The following FGL1 variants were observed in gnomAD, a reference collection of about 807,000 sequenced individuals.
FGL1 encodes fibrinogen-like protein 1.
In FGL1, 59 loss-of-function variants were observed where a neutral mutation model predicts 43.7. The observed-to-expected ratio is 1.35, with a 90% CI of 1.10 to 1.68. The LOEUF (loss-of-function observed/expected upper bound fraction) is 1.68. Ranked by LOEUF, FGL1 falls within the 40% of genes most tolerant of loss-of-function variation. The probability of loss-of-function intolerance (pLI) is 0.00; values close to 1 mark genes in which losing one functional copy is unlikely to be tolerated. For missense variants in FGL1, 596 were observed against 373.0 expected, an observed-to-expected ratio of 1.60 and a Z score of -4.92; for synonymous variants, 192 against 126.5, an observed-to-expected ratio of 1.52 and a Z score of -3.48.
At chr8:17,869,643 A>T (rs1360921085) in intron 5 of FGL1, among the ~76,000 whole-genome samples, 4 of 152,200 alleles carry the variant, frequency 2.6e-5, no homozygotes, top group African/African-American at 9.7e-5. Flanking sequence ...TGTAGAGTGG[A>T]TGTCATTGGA....
chr8:17,870,167 T>C (rs935328834), intron 5 of FGL1, among the ~76,000 whole-genome samples: 4 of 152,152 alleles, frequency 2.6e-5, no homozygotes, highest in African/African-American at 9.7e-5. Context: ...TATTATCTTT[T>C]ATATATGCTA....
intron 2 of FGL1, among the ~76,000 whole-genome samples, chr8:17,883,085 A>T (rs2053567902): frequency 1.6e-5 from 1 of 62,794 alleles, no homozygotes; most frequent in Admixed American, 2.5e-4. Context: ...TATATAATAT[A>T]TATCATATGT....
intron 1 of FGL1, among the ~76,000 whole-genome samples, chr8:17,892,899 G>A (rs1430571477): frequency 6.6e-6 from 1 of 152,076 alleles, no homozygotes; most frequent in Non-Finnish European, 1.5e-5. Flanking sequence ...GAATAAATTA[G>A]CTTAAAAAGT....
Position 17,885,496 on chromosome 8 carries a change from AT to A in FGL1, c.58del (p.Ile20PhefsTer103). On this transcript the variant is annotated frameshift_variant, in exon 2 of 8. Transcript: ENST00000427924. LOFTEE classifies it high-confidence loss of function. ...TAGTTTTCCCAAGAAGCTTACCGAA[AT>A]TTCCCTGCCCATTGTCAGAGCGGTG... ...VTTALTMGRE[I>X]SALEDCAQEQ... is the part of the protein sequence containing the mutation. 1 of 1,611,424 alleles carries A rather than the reference AT, an allele frequency of 6.2e-7. No individual in the cohort carries two copies. Among genetic ancestry groups the A allele is most frequent in the Non-Finnish European group, 8.5e-7 (1 of 1,178,312 alleles).
At chr8:17,882,433 G>A (rs1045071479) in intron 2 of FGL1, 1 of 326,996 alleles carries the variant, frequency 3.1e-6, no homozygotes, top group African/African-American at 2.1e-5. Context: ...TATGCTAGGA[G>A]CTTTATAGTT....
intron 7 of FGL1, among the ~76,000 whole-genome samples, chr8:17,866,849 C>T (rs574014287): frequency 2.6e-5 from 4 of 152,246 alleles, no homozygotes; most frequent in Admixed American, 6.5e-5. Flanking sequence ...ATGAATTACA[C>T]GTTAAGTTTT....
At chr8:17,867,600 A>G (rs1247470524) in intron 7 of FGL1, among the ~76,000 whole-genome samples, 1 of 152,250 alleles carries the variant, frequency 6.6e-6, no homozygotes. Flanking sequence ...AAATCAAATA[A>G]GCATGATTCG....
intron 4 of FGL1, 67 bp from the exon 5 acceptor site, chr8:17,874,183 CA>C: frequency 7.2e-7 from 1 of 1,385,088 alleles, no homozygotes; most frequent in Non-Finnish European, 1.0e-6. Flanking sequence ...GACCACCACC[CA>C]CCCCCTGCTA....
At chr8:17,865,449 C>A (rs1233593962) in intron 7 of FGL1, among the ~76,000 whole-genome samples, 1 of 152,152 alleles carries the variant, frequency 6.6e-6, no homozygotes, top group Non-Finnish European at 1.5e-5. Flanking sequence ...AAATTGCTAG[C>A]CTATCAGTTA....
In FGL1 at chr8:17,875,507, C is replaced by CTTTCT. The variant is rs1554564367; in HGVS notation, c.245-991_245-987dup. On this transcript the variant is annotated intron_variant, in intron 3 of 7. Transcript: ENST00000427924. ...TCTTTCTTTCTTTCTTTCTTTCTTT[C>CTTTCT]TTTCTTTCTTTCTTTCTTTCTTTCT... Among the ~76,000 whole-genome samples the CTTTCT allele has an allele frequency of 3.2e-3, 27 of 8,330 alleles. 1 individual carries two copies. Among genetic ancestry groups the CTTTCT allele is most frequent in the African/African-American group, 0.013 (27 of 2,108 alleles). 5.5% of individuals were successfully genotyped at this position (8,330 alleles called of 152,430 possible). A position where few individuals can be genotyped will look rare whatever the true frequency, so the allele number is the denominator to read the frequency against.
chr8:17,870,342 T>C (rs1179105243), intron 5 of FGL1, among the ~76,000 whole-genome samples: 1 of 152,180 alleles, frequency 6.6e-6, no homozygotes, highest in Admixed American at 6.5e-5. Context: ...ACAAAGACTA[T>C]TCCTTTTTCA....
Position 17,864,466 on chromosome 8 carries a change from T to A in FGL1, c.*126A>T. 1 of 986,510 alleles carries A rather than the reference T, an allele frequency of 1.0e-6. No individual in the cohort carries two copies. Among genetic ancestry groups the A allele is most frequent in the Non-Finnish European group, 1.4e-6 (1 of 690,448 alleles). 61.1% of individuals were successfully genotyped at this position (986,510 alleles called of 1,614,324 possible). ...AAGCACATTAAGTAACAAAGGCAAGTGAGAAGAATGAAAAGCACTACTCAC... is the reference window on the plus strand; with the variant it reads ...AAGCACATTAAGTAACAAAGGCAAGAGAGAAGAATGAAAAGCACTACTCAC... On this transcript the variant is annotated 3_prime_UTR_variant, in exon 8 of 8. Transcript: ENST00000427924.
intron 2 of FGL1, among the ~76,000 whole-genome samples, chr8:17,883,982 C>G (rs1183628235): frequency 2.3e-5 from 3 of 129,338 alleles, no homozygotes; most frequent in Non-Finnish European, 5.1e-5. Flanking sequence ...TCTTCCCATC[C>G]CTAGGTCCAA....
intron 1 of FGL1, among the ~76,000 whole-genome samples, chr8:17,888,890 G>A (rs976734847): frequency 1.3e-5 from 2 of 152,100 alleles, no homozygotes; most frequent in African/African-American, 4.8e-5. Flanking sequence ...AAAATTGAAT[G>A]GATTCTAGTC....
At chr8:17,883,016 A>C (rs1225947401) in intron 2 of FGL1, among the ~76,000 whole-genome samples, 1 of 95,936 alleles carries the variant, frequency 1.0e-5, no homozygotes, top group Non-Finnish European at 1.7e-5. Flanking sequence ...TTAAATATAT[A>C]ATATATATCA....
chr8:17,892,716 C>G (rs35811626), intron 1 of FGL1, among the ~76,000 whole-genome samples: 8,284 of 152,104 alleles, frequency 0.054, 244 homozygotes, highest in East Asian at 0.072. Context: ...TGACAGGAAA[C>G]AAATTTTCAT....
At chr8:17,872,237 T>C (rs1211605077) in intron 5 of FGL1, among the ~76,000 whole-genome samples, 1 of 151,860 alleles carries the variant, frequency 6.6e-6, no homozygotes, top group Non-Finnish European at 1.5e-5. Flanking sequence ...ACTATAAATA[T>C]AGAAACACCA....
rs761278944 is a variant in FGL1, at chr8:17,874,032, G to C, written c.489C>G (p.Phe163Leu). The C allele has an allele frequency of 1.1e-5, 17 of 1,608,974 alleles. No individual in the cohort carries two copies. In the South Asian group the frequency reaches 1.3e-4, roughly 13 times the overall value. The change falls in exon 5 of 8, where the codon TTC (phenylalanine) becomes TTG (leucine). Residue 163 changes from phenylalanine to leucine, a missense_variant. Coordinates refer to ENST00000427924, the MANE Select transcript of FGL1 (RefSeq NM_004467.4). ...EYWLGNKNLH[F>L]LTTQEDYTLK... ...TTCAAACCTTACCTTGAGTGGTCAA[G>C]AAGTGAAGATTTTTATTGCCCAGCC...
chr8:17,887,989 T>C (rs2053653950), intron 1 of FGL1, among the ~76,000 whole-genome samples: 1 of 152,142 alleles, frequency 6.6e-6, no homozygotes, highest in East Asian at 1.9e-4. Context: ...CAATTGTATA[T>C]TGAGTATGTA....
Sources: allele counts gnomAD v4.1 joint callset (sites outside exome capture counted in the v4.1 genomes callset), GRCh38; gene constraint gnomAD v4.1.1; transcripts MANE v1.5; gene names NCBI Gene and HGNC (gene_info 2026-07-23, HGNC 2026-07-21).